The following CAST variants were observed in gnomAD, a reference collection of about 807,000 sequenced individuals.
The protein encoded by CAST is calpastatin.
CAST carries 76 observed loss-of-function variants against 119.6 expected under a neutral mutation model. The ratio of observed to expected loss-of-function variants is 0.64; its 90% confidence interval spans 0.53 to 0.77. CAST has a LOEUF of 0.77. Among genes scored for constraint, CAST ranks in the 30% least tolerant of loss-of-function variants. The pLI, the probability that CAST is intolerant of heterozygous loss-of-function variation, is 0.00. For synonymous variants in CAST, 319 were observed against 331.6 expected (o/e 0.96, Z 0.41); for missense variants, 953 against 946.5 (o/e 1.01, Z -0.09).
chr5:96,088,247 C>A, the CAST span, among the ~76,000 whole-genome samples: 1 of 152,188 alleles, frequency 6.6e-6, no homozygotes, highest in African/African-American at 2.4e-5. Flanking sequence ...AATGTGACTG[C>A]AACTGGGACC....
the CAST span, among the ~76,000 whole-genome samples, chr5:96,316,746 C>G: frequency 6.6e-6 from 1 of 152,044 alleles, no homozygotes; most frequent in African/African-American, 2.4e-5. Flanking sequence ...CCTAAGCCAC[C>G]CAGGGCCAAA....
chr5:96,418,468 A>T, the CAST span, among the ~76,000 whole-genome samples: 3 of 152,232 alleles, frequency 2.0e-5, no homozygotes, highest in Admixed American at 2.0e-4. Flanking sequence ...GATTTATGCC[A>T]GCTTAATGGT....
At chr5:96,749,719 G>A (rs28041) in intron 19 of CAST, among the ~76,000 whole-genome samples, 59,677 of 151,896 alleles carry the variant, frequency 0.39, 12,131 homozygotes, top group Admixed American at 0.51. Flanking sequence ...GCTAATTTTT[G>A]TATTTTCTGC....
At chr5:96,016,281 C>G in the CAST span, among the ~76,000 whole-genome samples, 1 of 152,240 alleles carries the variant, frequency 6.6e-6, no homozygotes, top group African/African-American at 2.4e-5. Context: ...ATGAGTGATA[C>G]ATTCGTCTAA....
chr5:96,301,315 T>C, the CAST span, among the ~76,000 whole-genome samples: 1 of 151,958 alleles, frequency 6.6e-6, no homozygotes, highest in Non-Finnish European at 1.5e-5. Context: ...CCTCCAACAT[T>C]GAGGATTACA....
chr5:96,057,941 T>A, the CAST span, among the ~76,000 whole-genome samples: 28 of 152,184 alleles, frequency 1.8e-4, no homozygotes, highest in Non-Finnish European at 3.5e-4. Context: ...ACTTTTCTTA[T>A]GGTAGAAGAA....
the CAST span, among the ~76,000 whole-genome samples, chr5:96,117,157 C>T: frequency 6.6e-6 from 1 of 151,764 alleles, no homozygotes; most frequent in African/African-American, 2.4e-5. Context: ...TGATTAACTT[C>T]ATTTTACCTA....
rs981971424 is a variant in CAST at position 96,773,030 on chromosome 5, T to C, written c.*414T>C. ...TTGCCCTTAATTTTTTTTGTTAGTG[T>C]TTAGAAAACAATGTTTTAAACATTC... is the stretch of plus-strand genomic sequence containing the variant. On this transcript the variant is annotated 3_prime_UTR_variant, in exon 32 of 32. Transcript: ENST00000675179. 7 of 153,894 alleles carry C rather than the reference T, an allele frequency of 4.5e-5. No individual in the cohort carries two copies. The highest frequency in any genetic ancestry group is 1.7e-4 in the African/African-American group (7 of 41,460). The allele number at this position is 153,894 out of a possible 1,614,324, so 9.5% of individuals were successfully genotyped here. A position where few individuals can be genotyped will look rare whatever the true frequency, so the allele number is the denominator to read the frequency against.
At chr5:96,386,190 G>A in the CAST span, among the ~76,000 whole-genome samples, 1 of 151,928 alleles carries the variant, frequency 6.6e-6, no homozygotes, top group South Asian at 2.1e-4. Context: ...TTTTTTGTTT[G>A]AAAATTGTTA....
At chr5:96,698,388 G>A (rs1450709026) in intron 3 of CAST, among the ~76,000 whole-genome samples, 1 of 151,868 alleles carries the variant, frequency 6.6e-6, no homozygotes, top group Non-Finnish European at 1.5e-5. Context: ...TCTTTTTTTG[G>A]CTTTAAAAAC....
intron 10 of CAST, among the ~76,000 whole-genome samples, chr5:96,737,426 A>G (rs1250703661): frequency 3.3e-5 from 5 of 152,136 alleles, no homozygotes; most frequent in African/African-American, 1.2e-4. Flanking sequence ...TTTGTTTAAA[A>G]CTCTGGAAAA....
At chr5:96,706,356 C>G (rs1189266267) in intron 3 of CAST, among the ~76,000 whole-genome samples, 2 of 152,070 alleles carry the variant, frequency 1.3e-5, no homozygotes, top group African/African-American at 4.8e-5. Context: ...AGACGTGATG[C>G]TAGGCATACA....
At chr5:95,970,813 A>C in the CAST span, among the ~76,000 whole-genome samples, 1 of 152,306 alleles carries the variant, frequency 6.6e-6, no homozygotes, top group East Asian at 1.9e-4. Flanking sequence ...TGAATAAATC[A>C]CTCATGTATA....
chr5:96,619,636 C>A (rs181933944), intron 1 of CAST, among the ~76,000 whole-genome samples: 1 of 152,214 alleles, frequency 6.6e-6, no homozygotes, highest in African/African-American at 2.4e-5. Context: ...CGAAGGTCTA[C>A]AGCTTCACTC....
the CAST span, among the ~76,000 whole-genome samples, chr5:96,507,282 G>A: frequency 3.3e-5 from 5 of 152,142 alleles, no homozygotes; most frequent in Admixed American, 3.3e-4. Flanking sequence ...GTTACATCAG[G>A]CTGCCATGCT....
the CAST span, among the ~76,000 whole-genome samples, chr5:96,367,515 C>T: frequency 6.6e-6 from 1 of 152,154 alleles, no homozygotes; most frequent in African/African-American, 2.4e-5. Flanking sequence ...ACTCAAGCCT[C>T]AGCAATGGTA....
At chr5:96,370,529 A>AC in the CAST span, among the ~76,000 whole-genome samples, 3 of 152,018 alleles carry the variant, frequency 2.0e-5, no homozygotes, top group African/African-American at 7.2e-5. Context: ...TTTAATTTTC[A>AC]CCCCCCACAA....
chr5:96,019,910 A>G, the CAST span, among the ~76,000 whole-genome samples: 2 of 152,254 alleles, frequency 1.3e-5, no homozygotes, highest in Non-Finnish European at 2.9e-5. Flanking sequence ...TCTTAAGATG[A>G]GAATAATGTT....
At chr5:96,183,776 A>G in the CAST span, among the ~76,000 whole-genome samples, 1 of 152,202 alleles carries the variant, frequency 6.6e-6, no homozygotes, top group Non-Finnish European at 1.5e-5. Flanking sequence ...TAATTGTCAA[A>G]GTCCCTTCCA....
Sources: gnomAD v4.1 joint callset for allele counts (sites outside exome capture counted in the v4.1 genomes callset) on GRCh38, gnomAD v4.1.1 for gene constraint, MANE v1.5 for transcripts, NCBI Gene and HGNC (gene_info 2026-07-23, HGNC 2026-07-21) for gene names.